Variants in FCHSD2 observed in about 807,000 individuals in gnomAD.
FCHSD2 encodes the protein FCH and double SH3 domains 2, also known as F-BAR and double SH3 domains protein 2.
Under a neutral mutation model 108.1 loss-of-function variants are expected in FCHSD2, and 38 were observed. The ratio of observed to expected loss-of-function variants is 0.35; its 90% CI spans 0.27 to 0.46. The LOEUF (loss-of-function observed/expected upper bound fraction) is 0.46. FCHSD2 is among the 20% of genes least tolerant of loss of function. The probability of loss-of-function intolerance (pLI) is 1.00; values close to 1 mark genes in which losing one functional copy is unlikely to be tolerated. For missense variants in FCHSD2, 751 were observed against 897.8 expected, an observed-to-expected ratio of 0.84 and a Z score of 2.09; for synonymous variants, 279 against 314.7, an observed-to-expected ratio of 0.89 and a Z score of 1.20.
At chr11:73,087,218 A>G (rs1859838946) in intron 2 of FCHSD2, among the ~76,000 whole-genome samples, 1 of 152,214 alleles carries the variant, frequency 6.6e-6, no homozygotes, top group African/African-American at 2.4e-5. Context: ...TTTTAAAAGT[A>G]CAAAAAAATA....
intron 3 of FCHSD2, chr11:73,077,699 C>T (rs1359925873): frequency 5.3e-6 from 2 of 380,228 alleles, no homozygotes; most frequent in Non-Finnish European, 1.0e-5. Flanking sequence ...AAATGAAATA[C>T]TGATGCACAC....
chr11:73,051,694 C>T (rs962959787), intron 3 of FCHSD2, among the ~76,000 whole-genome samples: 3 of 152,002 alleles, frequency 2.0e-5, no homozygotes, highest in Non-Finnish European at 4.4e-5. Flanking sequence ...ACCCTCAAAA[C>T]CTAAGTAGTA....
At chr11:72,986,086 C>A (rs1158162944) in intron 6 of FCHSD2, among the ~76,000 whole-genome samples, 2 of 152,156 alleles carry the variant, frequency 1.3e-5, no homozygotes, top group African/African-American at 4.8e-5. Context: ...ATTTTTCTAA[C>A]AAGAGAAAAC....
At chr11:73,128,206 C>A (rs534172212) in intron 2 of FCHSD2, among the ~76,000 whole-genome samples, 1 of 152,206 alleles carries the variant, frequency 6.6e-6, no homozygotes, top group African/African-American at 2.4e-5. Context: ...CAAATAATTT[C>A]TATGGAGTCT....
chr11:72,883,670 G>A (rs1034918793), intron 12 of FCHSD2, among the ~76,000 whole-genome samples: 2 of 152,156 alleles, frequency 1.3e-5, no homozygotes, highest in East Asian at 1.9e-4. Flanking sequence ...AGTGGCTCAC[G>A]CCTGTAATCC....
chr11:73,003,213 A>C (rs543499714), intron 4 of FCHSD2, among the ~76,000 whole-genome samples: 3 of 152,208 alleles, frequency 2.0e-5, no homozygotes, highest in African/African-American at 7.2e-5. Flanking sequence ...CAAAATAATC[A>C]TAAGTAGCAC....
intron 10 of FCHSD2, among the ~76,000 whole-genome samples, chr11:72,902,108 C>T (rs1447814955): frequency 6.6e-6 from 1 of 152,128 alleles, no homozygotes; most frequent in Non-Finnish European, 1.5e-5. Context: ...CTCCTGACCT[C>T]AGGTCATCCA....
At chr11:73,006,941 A>G (rs1043347092) in intron 4 of FCHSD2, among the ~76,000 whole-genome samples, 4 of 152,324 alleles carry the variant, frequency 2.6e-5, no homozygotes, top group East Asian at 3.9e-4. Context: ...TTTTGCTGAC[A>G]CAAGATTGTT....
At chr11:73,140,728 C>CT (rs1470290415) in intron 1 of FCHSD2, among the ~76,000 whole-genome samples, 1 of 152,224 alleles carries the variant, frequency 6.6e-6, no homozygotes, top group Non-Finnish European at 1.5e-5. Flanking sequence ...ATATGCAGTG[C>CT]TTTTAAACTA....
intron 9 of FCHSD2, among the ~76,000 whole-genome samples, chr11:72,919,603 A>G (rs1276198349): frequency 1.3e-5 from 2 of 152,146 alleles, no homozygotes; most frequent in African/African-American, 4.8e-5. Context: ...ATCCCATGCT[A>G]AAAGTCTTAA....
chr11:72,893,748 C>CAAA (rs369829973), intron 10 of FCHSD2, among the ~76,000 whole-genome samples: 1 of 101,052 alleles, frequency 9.9e-6, no homozygotes. Context: ...ACTCTGTCTC[C>CAAA]AAAAAAAAAA....
chr11:72,845,301 A>G (rs1000450153), intron 14 of FCHSD2, among the ~76,000 whole-genome samples: 1 of 151,930 alleles, frequency 6.6e-6, no homozygotes, highest in African/African-American at 2.4e-5. Context: ...CGTGCCTGTA[A>G]TCCCAGCTAC....
At chr11:73,022,283 G>T (rs1858127648) in intron 3 of FCHSD2, among the ~76,000 whole-genome samples, 1 of 152,008 alleles carries the variant, frequency 6.6e-6, no homozygotes, top group Non-Finnish European at 1.5e-5. Context: ...GCAAGAAAAA[G>T]AAATAAAAGG....
At chr11:73,015,756 T>G in intron 4 of FCHSD2, 53 bp downstream of exon 4, 1 of 1,102,652 alleles carries the variant, frequency 9.1e-7, no homozygotes, top group Non-Finnish European at 1.4e-6. Flanking sequence ...ATATGTAACA[T>G]AGCTTTAAGT....
At chr11:72,951,640 C>T (rs1856622176) in intron 8 of FCHSD2, among the ~76,000 whole-genome samples, 2 of 152,120 alleles carry the variant, frequency 1.3e-5, no homozygotes, top group Admixed American at 1.3e-4. Flanking sequence ...AATATTCTCC[C>T]ATGTTTTTCT....
intron 13 of FCHSD2, among the ~76,000 whole-genome samples, chr11:72,855,605 G>A (rs1392022290): frequency 2.0e-5 from 3 of 152,128 alleles, no homozygotes; most frequent in African/African-American, 2.4e-5. Flanking sequence ...ACGAACAAAC[G>A]TGAAAAGCAC....
chr11:72,859,560 G>A (rs1861516504), intron 13 of FCHSD2, among the ~76,000 whole-genome samples: 1 of 152,022 alleles, frequency 6.6e-6, no homozygotes, highest in African/African-American at 2.4e-5. Flanking sequence ...GTATGTATAG[G>A]GAAAAACACA....
intron 3 of FCHSD2, among the ~76,000 whole-genome samples, chr11:73,079,200 AT>A (rs775568668): frequency 0.039 from 5,648 of 143,096 alleles, 212 homozygotes; most frequent in African/African-American, 0.11. Context: ...AAGAGAAATA[AT>A]TTTTTTTTTT....
chr11:73,002,232 T>TC (rs1857639952), intron 4 of FCHSD2, among the ~76,000 whole-genome samples: 1 of 152,196 alleles, frequency 6.6e-6, no homozygotes, highest in Non-Finnish European at 1.5e-5. Flanking sequence ...AAAAACTTGA[T>TC]AAACTATGGT....
Sources: gnomAD v4.1 joint callset for allele counts (sites outside exome capture counted in the v4.1 genomes callset) on GRCh38, gnomAD v4.1.1 for gene constraint, MANE v1.5 for transcripts, NCBI Gene and HGNC (gene_info 2026-07-23, HGNC 2026-07-21) for gene names.